NAALADL2: variants seen among roughly 807,000 people sequenced by gnomAD.
NAALADL2 encodes N-acetylated alpha-linked acidic dipeptidase like 2.
A neutral mutation model predicts 87.2 loss-of-function variants in NAALADL2; 76 were observed. The ratio of observed to expected loss-of-function variants is 0.87; its 90% CI spans 0.72 to 1.05. The LOEUF is 1.05. Among genes scored for constraint, NAALADL2 ranks in the 50% least tolerant of loss-of-function variants. NAALADL2 has a pLI of 0.00. For missense variants in NAALADL2, 1,089 were observed against 945.8 expected, an observed-to-expected ratio of 1.15 and a Z score of -1.99; for synonymous variants, 354 against 331.0, an observed-to-expected ratio of 1.07 and a Z score of -0.75.
At chr3:174,669,102 G>A (rs1490050905) in intron 2 of NAALADL2, among the ~76,000 whole-genome samples, 1 of 152,114 alleles carries the variant, frequency 6.6e-6, no homozygotes, top group Non-Finnish European at 1.5e-5. Context: ...ACTTTGTAAT[G>A]ATTGCCATTC....
intron 1 of NAALADL2, 74 bp downstream of exon 1, chr3:174,859,524 T>C (rs984197593): frequency 1.6e-6 from 2 of 1,241,360 alleles, no homozygotes; most frequent in African/African-American, 3.0e-5. Flanking sequence ...ACAAAGTCTG[T>C]GTGTTTCTGT....
intron 5 of NAALADL2, among the ~76,000 whole-genome samples, chr3:175,442,619 G>A (rs1057346649): frequency 2.6e-5 from 4 of 152,150 alleles, no homozygotes; most frequent in African/African-American, 7.2e-5. Flanking sequence ...GATGGAGTCA[G>A]GCTTAGGACT....
chr3:174,819,579 CA>C (rs1203494476), intron 3 of NAALADL2, among the ~76,000 whole-genome samples: 1 of 152,212 alleles, frequency 6.6e-6, no homozygotes, highest in Non-Finnish European at 1.5e-5. Flanking sequence ...TAGGTCTGTT[CA>C]ACTACTTTTA....
intron 9 of NAALADL2, among the ~76,000 whole-genome samples, chr3:175,528,215 CAAGATTACAAG>C (rs994671233): frequency 6.6e-5 from 10 of 151,940 alleles, no homozygotes; most frequent in Admixed American, 5.9e-4. Context: ...TATTAGCTCA[CAAGATTACAAG>C]GTCCCACAAT....
rs146100755 is a variant in NAALADL2 at position 175,733,330 on chromosome 3, G to A, written c.1897-3976G>A. On this transcript the variant is annotated intron_variant, in intron 11 of 13. Coordinates refer to ENST00000454872, the MANE Select transcript of NAALADL2 (RefSeq NM_207015.3). ...CCTCATAATCATGTTGGAAGGCAAG[G>A]TGGAGCAAGTTACATCTTACGTGGT... Among the ~76,000 whole-genome samples the A allele has an allele frequency of 2.7e-3, 409 of 152,294 alleles. 1 individual carries two copies. Among genetic ancestry groups the A allele is most frequent in the East Asian group, 0.016 (82 of 5,168 alleles).
chr3:174,515,767 C>T (rs933467420), intron 1 of NAALADL2, among the ~76,000 whole-genome samples: 5 of 151,212 alleles, frequency 3.3e-5, no homozygotes, highest in Admixed American at 1.3e-4. Flanking sequence ...TTATGTTTGG[C>T]AACATTATTG....
intron 11 of NAALADL2, among the ~76,000 whole-genome samples, chr3:175,735,000 A>G (rs1744311972): frequency 6.6e-6 from 1 of 152,210 alleles, no homozygotes; most frequent in Admixed American, 6.5e-5. Context: ...CAAATTTTCC[A>G]AATTTTTATG....
chr3:174,983,274 G>A (rs1036176603), intron 1 of NAALADL2, among the ~76,000 whole-genome samples: 1 of 152,126 alleles, frequency 6.6e-6, no homozygotes, highest in African/African-American at 2.4e-5. Flanking sequence ...AAACAGCTTA[G>A]GATGAGTTAT....
At chr3:175,462,895 ATATT>A (rs1723368538) in intron 6 of NAALADL2, among the ~76,000 whole-genome samples, 2 of 152,200 alleles carry the variant, frequency 1.3e-5, no homozygotes, top group South Asian at 4.1e-4. Context: ...AGCTTTAAGA[ATATT>A]TATCCTTTTA....
At chr3:174,569,302 A>T (rs1714648346) in intron 2 of NAALADL2, among the ~76,000 whole-genome samples, 1 of 151,980 alleles carries the variant, frequency 6.6e-6, no homozygotes, top group Non-Finnish European at 1.5e-5. Flanking sequence ...TTATAAAATT[A>T]ATAATGTAAG....
At chr3:174,499,488 C>CCTATCCCTATCCCA (rs776056912) in intron 1 of NAALADL2, among the ~76,000 whole-genome samples, 67 of 152,066 alleles carry the variant, frequency 4.4e-4, no homozygotes, top group Non-Finnish European at 8.8e-4. Flanking sequence ...TATACTAAGA[C>CCTATCCCTATCCCA]AGCTCTGCCT....
chr3:174,935,788 T>C (rs1002449326), intron 1 of NAALADL2, among the ~76,000 whole-genome samples: 4 of 152,182 alleles, frequency 2.6e-5, no homozygotes, highest in African/African-American at 7.2e-5. Context: ...ACATTCTGTT[T>C]GCCTCTCATG....
chr3:174,474,431 A>G (rs1322970566), intron 1 of NAALADL2, among the ~76,000 whole-genome samples: 2 of 152,132 alleles, frequency 1.3e-5, no homozygotes, highest in African/African-American at 2.4e-5. Context: ...AGAACTAAGT[A>G]TGTGTTAGTT....
chr3:175,139,512 A>C (rs1012804159), intron 2 of NAALADL2, among the ~76,000 whole-genome samples: 1 of 152,094 alleles, frequency 6.6e-6, no homozygotes, highest in African/African-American at 2.4e-5. Context: ...TCTGCTGTTC[A>C]AATAGTTCTC....
intron 2 of NAALADL2, among the ~76,000 whole-genome samples, chr3:175,135,055 G>A (rs966399148): frequency 6.6e-6 from 1 of 152,162 alleles, no homozygotes; most frequent in Non-Finnish European, 1.5e-5. Flanking sequence ...TCCTTATGTT[G>A]TCTATAGCTC....
chr3:175,428,288 T>C (rs1399599111), intron 5 of NAALADL2, among the ~76,000 whole-genome samples: 6 of 152,172 alleles, frequency 3.9e-5, no homozygotes, highest in African/African-American at 1.2e-4. Context: ...AATAAGTTTT[T>C]TTGAAGAAAA....
intron 9 of NAALADL2, among the ~76,000 whole-genome samples, chr3:175,560,161 G>T (rs919888173): frequency 6.6e-6 from 1 of 152,042 alleles, no homozygotes; most frequent in African/African-American, 2.4e-5. Flanking sequence ...TTAAATCTTT[G>T]TAGGTTGTAT....
chr3:175,577,772 C>T lies in NAALADL2; in HGVS notation c.1800+1585C>T, dbSNP rs183489681. On this transcript the variant is annotated intron_variant, in intron 10 of 13. Coordinates refer to ENST00000454872, the MANE Select transcript of NAALADL2 (RefSeq NM_207015.3). ...GGGAGAATTTTTAAAATGGATTTAT[C>T]CCTTACAAAATGTGAATGCTTGAGA... Among the ~76,000 whole-genome samples, 128 of 152,120 alleles carry T rather than the reference C, an allele frequency of 8.4e-4. 1 individual carries two copies. In the East Asian group the frequency reaches 0.015, roughly 17 times the overall value.
At chr3:175,569,823 T>TACACACACGC (rs1315019242) in intron 9 of NAALADL2, among the ~76,000 whole-genome samples, 6 of 147,400 alleles carry the variant, frequency 4.1e-5, no homozygotes, top group African/African-American at 1.3e-4. Context: ...GACCAACTAA[T>TACACACACGC]ACACACACAC....
Sources: allele counts gnomAD v4.1 joint callset (sites outside exome capture counted in the v4.1 genomes callset), GRCh38; gene constraint gnomAD v4.1.1; transcripts MANE v1.5; gene names NCBI Gene and HGNC (gene_info 2026-07-23, HGNC 2026-07-21).